GABRG3: variants seen among roughly 807,000 people sequenced by gnomAD.
The protein encoded by GABRG3 is gamma-aminobutyric acid type A receptor subunit gamma3, also known as gamma-aminobutyric acid receptor subunit gamma-3.
GABRG3 carries 25 observed loss-of-function variants against 48.8 expected under a neutral mutation model. The ratio of observed to expected loss-of-function variants is 0.51; its 90% CI spans 0.37 to 0.72. The LOEUF (loss-of-function observed/expected upper bound fraction) is 0.72, where lower values mean the gene tolerates loss of function less well. Among genes scored for constraint, GABRG3 ranks in the 30% least tolerant of loss-of-function variants. GABRG3 has a pLI of 0.00. For missense variants in GABRG3, 394 were observed against 577.9 expected, an observed-to-expected ratio of 0.68 and a Z score of 3.26; for synonymous variants, 227 against 217.6, an observed-to-expected ratio of 1.04 and a Z score of -0.38.
Position 26,971,469 on chromosome 15 carries a change from G to C in GABRG3, c.-67G>C. 7.4e-7 allele frequency: 1 copy of C among 1,355,660 alleles called. No homozygotes were observed. Among genetic ancestry groups the C allele is most frequent in the Non-Finnish European group, 9.8e-7 (1 of 1,018,792 alleles). 84.0% of individuals were successfully genotyped at this position (1,355,660 alleles called of 1,614,324 possible). ...GGGCAAAGAGGGCCGGCGGAGACCA[G>C]GTCCGCGCCGGAGGAAGCCGCGCCC... On this transcript the variant is annotated 5_prime_UTR_variant, in exon 1 of 10. Coordinates refer to ENST00000615808, the MANE Select transcript of GABRG3 (RefSeq NM_033223.5).
rs77331571 is a variant in GABRG3, at chr15:27,173,783, G to A, written c.270+146962G>A. On this transcript the variant is annotated intron_variant, in intron 3 of 9. Transcript: ENST00000615808. ...TGTAGTACCATCGACTCAGGAGGCTGAGGCAGGAGCATCAGTTGAGCCCAA... is the reference window on the plus strand; with the variant it reads ...TGTAGTACCATCGACTCAGGAGGCTAAGGCAGGAGCATCAGTTGAGCCCAA... 7.2e-4 allele frequency among the ~76,000 whole-genome samples: 110 copies of A among 152,000 alleles called. 2 individuals carry two copies. The East Asian group carries it at 0.014, about 19-fold the overall frequency.
At chr15:27,446,814 C>T (rs1888958970) in intron 5 of GABRG3, among the ~76,000 whole-genome samples, 1 of 152,060 alleles carries the variant, frequency 6.6e-6, no homozygotes, top group African/African-American at 2.4e-5. Context: ...GAGTCAGTGG[C>T]CCTCCATTGA....
At chr15:27,401,541 A>G (rs1253950659) in intron 5 of GABRG3, among the ~76,000 whole-genome samples, 2 of 152,220 alleles carry the variant, frequency 1.3e-5, no homozygotes, top group Non-Finnish European at 2.9e-5. Flanking sequence ...TTATGTAGAT[A>G]TTTAAATTTC....
chr15:27,136,474 T>G (rs1898009325), intron 3 of GABRG3, among the ~76,000 whole-genome samples: 1 of 152,190 alleles, frequency 6.6e-6, no homozygotes, highest in Non-Finnish European at 1.5e-5. Flanking sequence ...GTGGCTGTGC[T>G]TAATCCATGT....
chr15:27,113,606 G>T (rs967826993), intron 3 of GABRG3, among the ~76,000 whole-genome samples: 4 of 152,154 alleles, frequency 2.6e-5, no homozygotes, highest in Non-Finnish European at 5.9e-5. Context: ...ACAGCAGAGT[G>T]GCCCTAGCTT....
At chr15:27,381,896 G>A (rs1895788251) in intron 5 of GABRG3, among the ~76,000 whole-genome samples, 1 of 152,184 alleles carries the variant, frequency 6.6e-6, no homozygotes, top group African/African-American at 2.4e-5. Flanking sequence ...TTGAGTGGAT[G>A]GAAGTATGAT....
At chr15:27,437,983 G>A (rs1306439773) in intron 5 of GABRG3, among the ~76,000 whole-genome samples, 1 of 152,184 alleles carries the variant, frequency 6.6e-6, no homozygotes, top group Non-Finnish European at 1.5e-5. Context: ...ATCACTGACA[G>A]GAGGGCACTG....
At chr15:27,197,391 TTC>T (rs756357154) in intron 3 of GABRG3, among the ~76,000 whole-genome samples, 7 of 152,168 alleles carry the variant, frequency 4.6e-5, no homozygotes, top group African/African-American at 7.2e-5. Flanking sequence ...GAAGTTTATG[TTC>T]ACAGAAGGGC....
chr15:27,232,515 C>T (rs1016192971), intron 3 of GABRG3, among the ~76,000 whole-genome samples: 1 of 152,112 alleles, frequency 6.6e-6, no homozygotes, highest in Non-Finnish European at 1.5e-5. Flanking sequence ...ATGTAGCCAT[C>T]AGTTAGGACC....
intron 3 of GABRG3, among the ~76,000 whole-genome samples, chr15:27,211,908 T>G (rs7402767): frequency 0.65 from 98,472 of 152,102 alleles, 32,399 homozygotes; most frequent in East Asian, 0.89. Flanking sequence ...ACCATGCCCA[T>G]CCCCTGAGAA....
At chr15:27,145,220 A>G (rs936225353) in intron 3 of GABRG3, among the ~76,000 whole-genome samples, 1 of 152,138 alleles carries the variant, frequency 6.6e-6, no homozygotes, top group Non-Finnish European at 1.5e-5. Flanking sequence ...CAGTCATTGG[A>G]CTTCTTAGAC....
At chr15:27,414,468 T>A (rs981751671) in intron 5 of GABRG3, among the ~76,000 whole-genome samples, 1 of 152,146 alleles carries the variant, frequency 6.6e-6, no homozygotes, top group African/African-American at 2.4e-5. Context: ...ATGCTTTAAG[T>A]GGGAAGGTCC....
chr15:27,027,020 CA>C lies in GABRG3; in HGVS notation c.270+200del, dbSNP rs1895997529. ...TAGCTTGTGATGGTAGTAGCATTTCCACTTTTAGTTTCTTCTTTCAACATCC... is the reference window on the plus strand; with the variant it reads ...TAGCTTGTGATGGTAGTAGCATTTCCCTTTTAGTTTCTTCTTTCAACATCC... On this transcript the variant is annotated intron_variant, in intron 3 of 9. Transcript: ENST00000615808. The C allele has an allele frequency of 6.6e-6, 3 of 455,978 alleles. No individual in the cohort carries two copies. In the South Asian group the frequency reaches 1.4e-4, roughly 22 times the overall value. 28.2% of individuals were successfully genotyped at this position (455,978 alleles called of 1,614,324 possible).
At chr15:27,059,311 G>A (rs1467871318) in intron 3 of GABRG3, among the ~76,000 whole-genome samples, 1 of 152,168 alleles carries the variant, frequency 6.6e-6, no homozygotes, top group Non-Finnish European at 1.5e-5. Context: ...TTGGAAGCGG[G>A]GTTCCCATCT....
At chr15:27,054,903 A>G (rs1896515520) in intron 3 of GABRG3, among the ~76,000 whole-genome samples, 1 of 151,816 alleles carries the variant, frequency 6.6e-6, no homozygotes, top group African/African-American at 2.4e-5. Flanking sequence ...GGGGACTCTG[A>G]GTGGACCCTT....
intron 5 of GABRG3, among the ~76,000 whole-genome samples, chr15:27,353,877 G>C (rs1894739311): frequency 6.6e-6 from 1 of 152,154 alleles, no homozygotes. Context: ...GAGATGCTGT[G>C]CATGGTCTAG....
At chr15:27,409,592 T>A (rs1368337314) in intron 5 of GABRG3, among the ~76,000 whole-genome samples, 1 of 152,222 alleles carries the variant, frequency 6.6e-6, no homozygotes, top group African/African-American at 2.4e-5. Context: ...CCTTTCCATA[T>A]AACTTTTGGA....
At chr15:27,137,313 A>G (rs1340588516) in intron 3 of GABRG3, among the ~76,000 whole-genome samples, 3 of 152,168 alleles carry the variant, frequency 2.0e-5, no homozygotes, top group Non-Finnish European at 4.4e-5. Context: ...TGAAATACAC[A>G]TGGCCTAGCA....
At chr15:27,093,920 T>C (rs1897233215) in intron 3 of GABRG3, among the ~76,000 whole-genome samples, 1 of 152,158 alleles carries the variant, frequency 6.6e-6, no homozygotes, top group East Asian at 1.9e-4. Context: ...TCAAGGCCAG[T>C]GCCATGGGAC....
Sources: allele counts gnomAD v4.1 joint callset (sites outside exome capture counted in the v4.1 genomes callset), GRCh38; gene constraint gnomAD v4.1.1; transcripts MANE v1.5; gene names NCBI Gene and HGNC (gene_info 2026-07-23, HGNC 2026-07-21).